ERC2: variants seen among roughly 807,000 people sequenced by gnomAD.
The protein encoded by ERC2 is ERC protein 2.
In ERC2, 42 loss-of-function variants were observed where a neutral mutation model predicts 114.8. That is an observed-to-expected ratio of 0.37 (90% confidence interval 0.29 to 0.47). The LOEUF is 0.47. Ranked by LOEUF, ERC2 falls within the 20% of genes least tolerant of loss-of-function variation. ERC2 has a pLI of 0.99. For missense variants in ERC2, 939 were observed against 1,150.7 expected (o/e 0.82, Z 2.66); for synonymous variants, 454 against 425.5 (o/e 1.07, Z -0.82).
chr3:55,810,447 G>C (rs1230935402), intron 14 of ERC2, among the ~76,000 whole-genome samples: 1 of 150,452 alleles, frequency 6.6e-6, no homozygotes. Context: ...GATATATGTA[G>C]AAGGTCTCTC....
chr3:56,251,677 G>C (rs1323593769), intron 3 of ERC2, among the ~76,000 whole-genome samples: 1 of 152,186 alleles, frequency 6.6e-6, no homozygotes, highest in African/African-American at 2.4e-5. Context: ...GCAGGATTCT[G>C]CCATCAAATG....
At chr3:55,533,210 G>A (rs1431111326) in intron 17 of ERC2, among the ~76,000 whole-genome samples, 1 of 152,216 alleles carries the variant, frequency 6.6e-6, no homozygotes, top group African/African-American at 2.4e-5. Context: ...ACAGATGGGA[G>A]AGGCCAGGCT....
chr3:56,242,323 G>C lies in ERC2; in HGVS notation c.1074+53696C>G, dbSNP rs150206205. Among the ~76,000 whole-genome samples, 21 of 152,246 alleles carry C rather than the reference G, an allele frequency of 1.4e-4. 1 individual carries two copies. The East Asian group carries it at 3.9e-3, about 28-fold the overall frequency. ...GACTTTGGGGACTTGGGGAAGGATG[G>C]AAGGCGGAAGAGATAAAAGACTACA... is the stretch of plus-strand genomic sequence containing the variant. On this transcript the variant is annotated intron_variant, in intron 3 of 17. Transcript: ENST00000288221.
chr3:56,409,717 T>G (rs554492621), intron 2 of ERC2, among the ~76,000 whole-genome samples: 35 of 152,316 alleles, frequency 2.3e-4, no homozygotes, highest in Non-Finnish European at 4.0e-4. Context: ...CTCTTACCAC[T>G]ACAGCCCCTA....
At chr3:55,777,319 G>T (rs1395370876) in intron 14 of ERC2, among the ~76,000 whole-genome samples, 2 of 152,162 alleles carry the variant, frequency 1.3e-5, no homozygotes, top group Non-Finnish European at 2.9e-5. Flanking sequence ...GCAGGAAAAA[G>T]CTGCAACTGT....
At chr3:56,167,446 TG>T (rs1196805171) in intron 4 of ERC2, among the ~76,000 whole-genome samples, 1 of 152,134 alleles carries the variant, frequency 6.6e-6, no homozygotes, top group East Asian at 1.9e-4. Context: ...AAGAAGAGTT[TG>T]GGGGGAAAGG....
chr3:55,978,751 G>A (rs2069805322), intron 12 of ERC2, among the ~76,000 whole-genome samples: 1 of 152,218 alleles, frequency 6.6e-6, no homozygotes, highest in African/African-American at 2.4e-5. Flanking sequence ...CTATAGCAAT[G>A]ATGATGTTGT....
chr3:56,199,187 G>C (rs1473110666), intron 3 of ERC2, among the ~76,000 whole-genome samples: 1 of 152,038 alleles, frequency 6.6e-6, no homozygotes, highest in Non-Finnish European at 1.5e-5. Flanking sequence ...AAACAAACAG[G>C]GTGTTGAGGC....
chr3:56,167,267 A>G (rs1288440435), intron 4 of ERC2, among the ~76,000 whole-genome samples: 1 of 152,144 alleles, frequency 6.6e-6, no homozygotes, highest in Non-Finnish European at 1.5e-5. Context: ...CTTAGAACTC[A>G]GTTTTTCCTG....
chr3:55,848,757 A>T (rs969282271), intron 14 of ERC2, among the ~76,000 whole-genome samples: 1 of 152,230 alleles, frequency 6.6e-6, no homozygotes, highest in Non-Finnish European at 1.5e-5. Flanking sequence ...ATTTTCCAAG[A>T]TTCAGATCAA....
chr3:56,057,147 T>A (rs1182317393), intron 7 of ERC2, among the ~76,000 whole-genome samples: 1 of 152,182 alleles, frequency 6.6e-6, no homozygotes, highest in African/African-American at 2.4e-5. Flanking sequence ...TTAACACTTA[T>A]TTTTTATATT....
chr3:56,288,343 G>T (rs577594856), intron 3 of ERC2, among the ~76,000 whole-genome samples: 85 of 152,280 alleles, frequency 5.6e-4, no homozygotes, highest in Middle Eastern at 3.4e-3. Flanking sequence ...TGAGGGTGAA[G>T]AGGAAGTAAT....
intron 17 of ERC2, among the ~76,000 whole-genome samples, chr3:55,538,438 G>A (rs115854009): frequency 0.019 from 2,961 of 152,308 alleles, 105 homozygotes; most frequent in African/African-American, 0.067. Context: ...GCCTCAACTC[G>A]GATGCCGAGA....
chr3:55,944,159 C>G (rs1400869139), intron 13 of ERC2, among the ~76,000 whole-genome samples: 1 of 152,206 alleles, frequency 6.6e-6, no homozygotes, highest in Admixed American at 6.5e-5. Context: ...TCATTTCAAA[C>G]TCTACCCCCA....
intron 4 of ERC2, among the ~76,000 whole-genome samples, chr3:56,169,635 C>T (rs62255424): frequency 0.076 from 11,529 of 152,140 alleles, 894 homozygotes; most frequent in East Asian, 0.37. Context: ...CTGGATCAAG[C>T]TGTGCCTGAA....
intron 12 of ERC2, among the ~76,000 whole-genome samples, chr3:55,974,724 T>C (rs2069446607): frequency 6.6e-6 from 1 of 152,128 alleles, no homozygotes; most frequent in Non-Finnish European, 1.5e-5. Flanking sequence ...ACTGCCTCCA[T>C]GAAGGCCCAC....
chr3:56,093,621 A>C (rs1363489231), intron 6 of ERC2, among the ~76,000 whole-genome samples: 2 of 152,132 alleles, frequency 1.3e-5, no homozygotes, highest in Non-Finnish European at 2.9e-5. Flanking sequence ...ATCCTTCTCC[A>C]TATTAAATTA....
intron 13 of ERC2, among the ~76,000 whole-genome samples, chr3:55,895,216 C>T (rs146736619): frequency 6.6e-6 from 1 of 152,194 alleles, no homozygotes; most frequent in African/African-American, 2.4e-5. Flanking sequence ...ATGTTAGAAT[C>T]CCTTGGGAAG....
chr3:56,214,505 A>G (rs2049313803), intron 3 of ERC2, among the ~76,000 whole-genome samples: 1 of 152,172 alleles, frequency 6.6e-6, no homozygotes, highest in African/African-American at 2.4e-5. Flanking sequence ...AAAAGACCAA[A>G]TCTACATCTG....
Sources: allele counts gnomAD v4.1 joint callset (sites outside exome capture counted in the v4.1 genomes callset), GRCh38; gene constraint gnomAD v4.1.1; transcripts MANE v1.5; gene names NCBI Gene and HGNC (gene_info 2026-07-23, HGNC 2026-07-21).